PIBF1: variants seen among roughly 807,000 people sequenced by gnomAD.
PIBF1 encodes the protein progesterone-induced-blocking factor 1.
A neutral mutation model predicts 112.5 loss-of-function variants in PIBF1; 90 were observed. The ratio of observed to expected loss-of-function variants is 0.80; its 90% CI spans 0.67 to 0.95. The LOEUF (loss-of-function observed/expected upper bound fraction) is 0.95, where lower values mean the gene tolerates loss of function less well. PIBF1 is among the 40% of genes least tolerant of loss of function. The pLI, the probability that PIBF1 is intolerant of heterozygous loss-of-function variation, is 0.00. For missense variants in PIBF1, 915 were observed against 852.3 expected (o/e 1.07, Z -0.92); for synonymous variants, 301 against 288.6 (o/e 1.04, Z -0.44).
At position 72,908,329 on chromosome 13, in the gene PIBF1, C is replaced by G. The variant is rs181544886; in HGVS notation, c.1489-202C>G. On this transcript the variant is annotated intron_variant, in intron 11 of 17. Coordinates refer to ENST00000326291, the MANE Select transcript of PIBF1 (RefSeq NM_006346.4). ...CTTATAAAATAAGGATAAGGTACTT[C>G]ATAATTTTCAGTTAAAAACAACTGA... 9.7e-4 allele frequency among the ~76,000 whole-genome samples: 147 copies of G among 152,098 alleles called. 1 individual carries two copies. The highest frequency in any genetic ancestry group is 3.2e-3 in the African/African-American group (134 of 41,498).
At chr13:72,796,502 T>C (rs1348966509) in intron 4 of PIBF1, among the ~76,000 whole-genome samples, 1 of 152,200 alleles carries the variant, frequency 6.6e-6, no homozygotes, top group Non-Finnish European at 1.5e-5. Flanking sequence ...AAAATGCTTG[T>C]GAGCATAGTG....
intron 16 of PIBF1, among the ~76,000 whole-genome samples, chr13:72,997,741 T>G (rs1381497831): frequency 6.6e-6 from 1 of 152,160 alleles, no homozygotes; most frequent in Non-Finnish European, 1.5e-5. Flanking sequence ...GAAGATACAA[T>G]AAGATAATAG....
intron 14 of PIBF1, among the ~76,000 whole-genome samples, chr13:72,953,283 A>G (rs548040260): frequency 8.5e-4 from 130 of 152,266 alleles, no homozygotes; most frequent in African/African-American, 3.0e-3. Flanking sequence ...ATGAAAAACA[A>G]CTTCCCACAA....
chr13:72,871,186 A>T (rs1477565642), intron 10 of PIBF1, among the ~76,000 whole-genome samples: 1 of 152,090 alleles, frequency 6.6e-6, no homozygotes, highest in Non-Finnish European at 1.5e-5. Context: ...CCTGTTCTCT[A>T]TTGCCATCCT....
chr13:72,793,782 C>A (rs747623777), intron 3 of PIBF1, among the ~76,000 whole-genome samples: 8 of 151,902 alleles, frequency 5.3e-5, no homozygotes, highest in Non-Finnish European at 1.0e-4. Flanking sequence ...TTGGCCTGAA[C>A]AAATGAAAAA....
At chr13:72,809,576 AGGTTTTTTTTTG>A (rs750448684) in intron 5 of PIBF1, among the ~76,000 whole-genome samples, 1 of 145,494 alleles carries the variant, frequency 6.9e-6, no homozygotes. Context: ...ATTTAATAGA[AGGTTTTTTTTTG>A]GTTTTTTTTT....
chr13:72,969,899 A>C (rs1414759505), intron 15 of PIBF1: 1 of 152,224 alleles, frequency 6.6e-6, no homozygotes, highest in African/African-American at 2.4e-5. Context: ...TTTGAAATTT[A>C]AACATTAATG....
intron 10 of PIBF1, among the ~76,000 whole-genome samples, chr13:72,882,399 G>A (rs897389322): frequency 4.6e-5 from 7 of 152,064 alleles, no homozygotes; most frequent in African/African-American, 7.2e-5. Context: ...GAGTGATACC[G>A]CACAAGCACA....
intron 2 of PIBF1, among the ~76,000 whole-genome samples, chr13:72,786,519 A>G (rs562645044): frequency 1.3e-5 from 2 of 152,266 alleles, no homozygotes; most frequent in South Asian, 2.1e-4. Context: ...GAAGTTATCT[A>G]TTACTTTGTA....
chr13:72,986,877 G>C (rs2043307238), intron 16 of PIBF1, among the ~76,000 whole-genome samples: 1 of 152,020 alleles, frequency 6.6e-6, no homozygotes. Context: ...ATTTTTAGTA[G>C]AGACAGGGTT....
At chr13:72,789,910 A>G (rs1021972374) in intron 2 of PIBF1, among the ~76,000 whole-genome samples, 2 of 152,166 alleles carry the variant, frequency 1.3e-5, no homozygotes, top group African/African-American at 4.8e-5. Context: ...ATGTAACAGT[A>G]TTCTTGATTT....
In PIBF1 at chr13:72,862,409, G is replaced by A. The variant is rs2038734316; in HGVS notation, c.1322+8254G>A. On this transcript the variant is annotated intron_variant, in intron 10 of 17. Coordinates refer to ENST00000326291, the MANE Select transcript of PIBF1 (RefSeq NM_006346.4). ...GCTAAAGTCCAGGAGTTGAGGACCA[G>A]CCTAGGTGACATAGTGGGATGCCCA... Among the ~76,000 whole-genome samples the A allele has an allele frequency of 2.6e-5, 4 of 152,176 alleles. No individual in the cohort carries two copies. In the South Asian group the frequency reaches 8.3e-4, roughly 32 times the overall value.
At chr13:72,805,677 TAAGGGACTTA>T (rs1379466702) in intron 5 of PIBF1, among the ~76,000 whole-genome samples, 1 of 152,260 alleles carries the variant, frequency 6.6e-6, no homozygotes, top group Non-Finnish European at 1.5e-5. Flanking sequence ...CCAAGAATTT[TAAGGGACTTA>T]AAGGATGAAC....
intron 14 of PIBF1, among the ~76,000 whole-genome samples, chr13:72,939,908 G>A (rs117921289): frequency 0.027 from 4,072 of 152,042 alleles, 75 homozygotes; most frequent in Non-Finnish European, 0.041. Context: ...AGATATTGCC[G>A]TCATCCTTAT....
At chr13:72,876,848 A>G (rs2039430160) in intron 10 of PIBF1, among the ~76,000 whole-genome samples, 1 of 152,166 alleles carries the variant, frequency 6.6e-6, no homozygotes, top group Non-Finnish European at 1.5e-5. Flanking sequence ...TTCTACATAA[A>G]CAGTCATATC....
chr13:72,979,785 G>A (rs1279573098), intron 16 of PIBF1, among the ~76,000 whole-genome samples: 2 of 152,116 alleles, frequency 1.3e-5, no homozygotes, highest in Admixed American at 1.3e-4. Context: ...AGCCAGGCAT[G>A]GTGGTGGGCG....
At chr13:72,849,691 A>C (rs2038043402) in intron 9 of PIBF1, among the ~76,000 whole-genome samples, 1 of 152,230 alleles carries the variant, frequency 6.6e-6, no homozygotes, top group Non-Finnish European at 1.5e-5. Flanking sequence ...TCATAATGTC[A>C]GAATTTCTCA....
At position 73,010,810 on chromosome 13, in the gene PIBF1, C is replaced by CTT. The variant is rs1176079981; in HGVS notation, c.2224-5030_2224-5029dup. Among the ~76,000 whole-genome samples, 63 of 40,312 alleles carry CTT rather than the reference C, an allele frequency of 1.6e-3. 8 individuals carry two copies. Among genetic ancestry groups the CTT allele is most frequent in the African/African-American group, 5.7e-3 (60 of 10,466 alleles). The allele number at this position is 40,312 out of a possible 152,430, so 26.4% of individuals were successfully genotyped here. A position where few individuals can be genotyped will look rare whatever the true frequency, so the allele number is the denominator to read the frequency against. On this transcript the variant is annotated intron_variant, in intron 17 of 17. Coordinates refer to ENST00000326291, the MANE Select transcript of PIBF1 (RefSeq NM_006346.4). ...CTGAGCTGGAAAATCATTAACTTTTCTTTTTTTTTTTTTTTTTTTTTTTTT... is the reference window on the plus strand; with the variant it reads ...CTGAGCTGGAAAATCATTAACTTTTCTTTTTTTTTTTTTTTTTTTTTTTTTTT...
intron 16 of PIBF1, among the ~76,000 whole-genome samples, chr13:72,983,857 T>TA (rs533486944): frequency 2.2e-4 from 33 of 151,596 alleles, no homozygotes; most frequent in South Asian, 4.2e-4. Context: ...GTCAGCATGC[T>TA]AAAAAAAAAC....
Sources: gnomAD v4.1 joint callset for allele counts (sites outside exome capture counted in the v4.1 genomes callset) on GRCh38, gnomAD v4.1.1 for gene constraint, MANE v1.5 for transcripts, NCBI Gene and HGNC (gene_info 2026-07-23, HGNC 2026-07-21) for gene names.